Variants in IL1RAPL1 observed in about 807,000 individuals in gnomAD.
IL1RAPL1 encodes interleukin-1 receptor accessory protein-like 1.
IL1RAPL1 carries 3 observed loss-of-function variants against 48.4 expected under a neutral mutation model. That is an observed-to-expected ratio of 0.06 (90% confidence interval 0.03 to 0.16). IL1RAPL1 has a LOEUF of 0.16. Ranked by LOEUF, IL1RAPL1 falls within the 10% of genes least tolerant of loss-of-function variation. The pLI is 1.00. For synonymous variants in IL1RAPL1, 185 were observed against 187.7 expected (o/e 0.99, Z 0.12); for missense variants, 349 against 530.6 (o/e 0.66, Z 3.36).
At chrX:29,800,757 G>A (rs1204670912) in intron 6 of IL1RAPL1, among the ~76,000 whole-genome samples, 1 of 102,272 alleles carries the variant, frequency 9.8e-6, no homozygotes. Flanking sequence ...GACCGAGGTG[G>A]GCGGATCACC....
chrX:29,124,634 T>C (rs1300526936), intron 2 of IL1RAPL1, among the ~76,000 whole-genome samples: 1 of 111,987 alleles, frequency 8.9e-6, no homozygotes. Flanking sequence ...GCATTTGAAA[T>C]TGTTAGTCTT....
chrX:28,891,224 G>C (rs1195757796), intron 2 of IL1RAPL1, among the ~76,000 whole-genome samples: 1 of 111,557 alleles, frequency 9.0e-6, no homozygotes, highest in Middle Eastern at 4.2e-3. Context: ...CAGTCAATTG[G>C]TCATGTGTCT....
intron 6 of IL1RAPL1, among the ~76,000 whole-genome samples, chrX:29,737,487 G>A (rs908953383): frequency 8.9e-6 from 1 of 111,832 alleles, no homozygotes; most frequent in African/African-American, 3.3e-5. Context: ...GCTAAGTCTT[G>A]CACTAATCTT....
intron 5 of IL1RAPL1, among the ~76,000 whole-genome samples, chrX:29,634,383 A>G (rs1290586603): frequency 8.9e-6 from 1 of 111,834 alleles, no homozygotes; most frequent in East Asian, 2.8e-4. Context: ...AATAAAACAG[A>G]GAGGAGTCAA....
intron 1 of IL1RAPL1, among the ~76,000 whole-genome samples, chrX:28,633,670 T>C (rs898483504): frequency 8.9e-6 from 1 of 112,254 alleles, no homozygotes; most frequent in Non-Finnish European, 1.9e-5. Context: ...CTGTAACATA[T>C]CTGTTTTGCT....
At chrX:29,294,400 T>C (rs1932418009) in intron 3 of IL1RAPL1, among the ~76,000 whole-genome samples, 1 of 107,915 alleles carries the variant, frequency 9.3e-6, no homozygotes, top group Non-Finnish European at 1.9e-5. Context: ...TGGTGGTGGG[T>C]GCCTGTAGTC....
At chrX:29,356,165 G>A (rs5927617) in intron 3 of IL1RAPL1, among the ~76,000 whole-genome samples, 39,597 of 109,570 alleles carry the variant, frequency 0.36, 6,140 homozygotes, top group Middle Eastern at 0.57. Context: ...CATATTTTTT[G>A]TAATCTTCAG....
At chrX:28,960,526 T>TTAA (rs918431627) in intron 2 of IL1RAPL1, among the ~76,000 whole-genome samples, 12 of 111,518 alleles carry the variant, frequency 1.1e-4, no homozygotes, top group Admixed American at 1.1e-3. Context: ...AGCAAAACCC[T>TTAA]TAAGAGAAAC....
chrX:29,764,640 A>C (rs138321741), intron 6 of IL1RAPL1, among the ~76,000 whole-genome samples: 289 of 112,282 alleles, frequency 2.6e-3, no homozygotes, highest in African/African-American at 9.0e-3. Flanking sequence ...CACACTTTAA[A>C]AAAATCTTGT....
At chrX:29,352,124 T>G (rs996109723) in intron 3 of IL1RAPL1, among the ~76,000 whole-genome samples, 1 of 112,530 alleles carries the variant, frequency 8.9e-6, no homozygotes, top group East Asian at 2.8e-4. Context: ...TATCTTTTAT[T>G]TCTTTAACCT....
At chrX:29,275,194 A>G (rs752982605) in intron 2 of IL1RAPL1, among the ~76,000 whole-genome samples, 2 of 111,726 alleles carry the variant, frequency 1.8e-5, no homozygotes, top group South Asian at 7.5e-4. Context: ...TGTAGTAACT[A>G]CTTTGTAGTA....
chrX:28,787,693 T>C (rs1402765339), intron 1 of IL1RAPL1, among the ~76,000 whole-genome samples: 1 of 111,823 alleles, frequency 8.9e-6, no homozygotes, highest in African/African-American at 3.3e-5. Flanking sequence ...AACAGACTTA[T>C]TAATATGAGT....
intron 3 of IL1RAPL1, among the ~76,000 whole-genome samples, chrX:29,352,947 T>G (rs887924585): frequency 3.6e-5 from 4 of 111,941 alleles, no homozygotes; most frequent in Non-Finnish European, 7.5e-5. Flanking sequence ...TTCAAATTTC[T>G]TGGCACAATT....
At chrX:29,908,399 C>T (rs889512187) in intron 6 of IL1RAPL1, among the ~76,000 whole-genome samples, 1 of 106,798 alleles carries the variant, frequency 9.4e-6, no homozygotes, top group Non-Finnish European at 1.9e-5. Flanking sequence ...TATATATAAG[C>T]AAACTTTTTT....
At chrX:29,885,826 C>G (rs937627497) in intron 6 of IL1RAPL1, among the ~76,000 whole-genome samples, 1 of 110,851 alleles carries the variant, frequency 9.0e-6, no homozygotes, top group African/African-American at 3.3e-5. Flanking sequence ...CTCAAAAAAA[C>G]GCATATGTAA....
rs1934671427 is a variant in IL1RAPL1, at chrX:28,650,573, A to G, written c.-25+62526A>G. 2.7e-5 allele frequency among the ~76,000 whole-genome samples: 3 copies of G among 111,902 alleles called. No homozygotes were observed. The East Asian group carries it at 8.5e-4, about 32-fold the overall frequency. ...ATTTGGGTGGGGACACAGACAAACC[A>G]TATCATACATTGAGGAATTTTAGTT... On this transcript the variant is annotated intron_variant, in intron 1 of 10. Coordinates refer to ENST00000378993, the MANE Select transcript of IL1RAPL1 (RefSeq NM_014271.4).
chrX:29,762,337 A>G lies in IL1RAPL1; in HGVS notation c.778+93833A>G, dbSNP rs191118719. Among the ~76,000 whole-genome samples the G allele has an allele frequency of 5.8e-3, 654 of 111,802 alleles. 6 individuals carry two copies. Among genetic ancestry groups the G allele is most frequent in the African/African-American group, 0.02 (625 of 30,859 alleles). On this transcript the variant is annotated intron_variant, in intron 6 of 10. Coordinates refer to ENST00000378993, the MANE Select transcript of IL1RAPL1 (RefSeq NM_014271.4). ...GACAAATAGTTTGGTATTTTATAAA[A>G]GGGAGAAAAACTTATCAAAAACATT... is the stretch of plus-strand genomic sequence containing the variant.
intron 6 of IL1RAPL1, among the ~76,000 whole-genome samples, chrX:29,872,988 A>G (rs1192800446): frequency 3.6e-5 from 4 of 112,256 alleles, no homozygotes; most frequent in Non-Finnish European, 7.5e-5. Flanking sequence ...AAAACAGATA[A>G]CAACAAAGCC....
At chrX:29,056,508 A>G (rs1013260687) in intron 2 of IL1RAPL1, among the ~76,000 whole-genome samples, 2 of 112,024 alleles carry the variant, frequency 1.8e-5, no homozygotes, top group Admixed American at 1.9e-4. Flanking sequence ...CTGGGCACTG[A>G]TATTAACAGA....
Sources: allele counts gnomAD v4.1 joint callset (sites outside exome capture counted in the v4.1 genomes callset), GRCh38; gene constraint gnomAD v4.1.1; transcripts MANE v1.5; gene names NCBI Gene and HGNC (gene_info 2026-07-23, HGNC 2026-07-21).